The following HECW1 variants were observed in gnomAD, a reference collection of about 807,000 sequenced individuals.
HECW1 encodes the protein HECT, C2 and WW domain containing E3 ubiquitin protein ligase 1, also known as E3 ubiquitin-protein ligase HECW1.
In HECW1, 61 loss-of-function variants were observed where a neutral mutation model predicts 182.3. The observed-to-expected ratio is 0.33, with a 90% confidence interval of 0.27 to 0.41. The LOEUF (loss-of-function observed/expected upper bound fraction) is 0.41, where lower values mean the gene tolerates loss of function less well. Among genes scored for constraint, HECW1 ranks in the 10% least tolerant of loss-of-function variants. HECW1 has a pLI of 1.00. For missense variants in HECW1, 1,739 were observed against 2,108.9 expected (o/e 0.82, Z 3.44); for synonymous variants, 859 against 832.6 (o/e 1.03, Z -0.55).
At chr7:43,367,347 C>A (rs1233378956) in intron 6 of HECW1, among the ~76,000 whole-genome samples, 1 of 152,184 alleles carries the variant, frequency 6.6e-6, no homozygotes, top group Non-Finnish European at 1.5e-5. Flanking sequence ...ATTAACAATA[C>A]TATGATGAGA....
rs186192388 is a variant in HECW1 at position 43,317,690 on chromosome 7, C to A, written c.353-2945C>A. Among the ~76,000 whole-genome samples the A allele has an allele frequency of 1.8e-3, 277 of 152,238 alleles. 3 individuals carry two copies. The highest frequency in any genetic ancestry group is 9.0e-4 in the Non-Finnish European group (61 of 68,016). On this transcript the variant is annotated intron_variant, in intron 4 of 29. Transcript: ENST00000395891. The stretch of plus-strand genomic sequence containing the variant: ...ACTACTCTATTTTTCTTGTGTGATA[C>A]TTGTGATTAAGTGTTATTGTTAGTG...
chr7:43,471,318 T>C (rs2078015096), intron 16 of HECW1, among the ~76,000 whole-genome samples: 1 of 152,190 alleles, frequency 6.6e-6, no homozygotes, highest in African/African-American at 2.4e-5. Flanking sequence ...TACAACTCAC[T>C]AAACAGTGGG....
chr7:43,153,741 T>A (rs1789594485), intron 2 of HECW1, among the ~76,000 whole-genome samples: 1 of 152,194 alleles, frequency 6.6e-6, no homozygotes. Flanking sequence ...ATTTTTTATA[T>A]ATATTGTTGA....
At chr7:43,252,090 T>C (rs1800099150) in intron 3 of HECW1, among the ~76,000 whole-genome samples, 1 of 152,198 alleles carries the variant, frequency 6.6e-6, no homozygotes, top group African/African-American at 2.4e-5. Context: ...TATTTCCAAA[T>C]GTGCATCACT....
chr7:43,305,734 G>C (rs957045427), intron 3 of HECW1, among the ~76,000 whole-genome samples: 1 of 151,680 alleles, frequency 6.6e-6, no homozygotes, highest in Non-Finnish European at 1.5e-5. Context: ...CAGCAGCTGC[G>C]ATTACAGGCG....
intron 5 of HECW1, among the ~76,000 whole-genome samples, chr7:43,328,903 A>C (rs948615865): frequency 4.6e-5 from 7 of 152,336 alleles, no homozygotes; most frequent in African/African-American, 1.7e-4. Context: ...GTGTGAGAAC[A>C]TAACAGATAC....
At position 43,468,951 on chromosome 7, in the gene HECW1, G is replaced by C; in HGVS notation, c.2945G>C (p.Cys982Ser). ...TACCGAGTCTTCACCAGTAGCACCT[G>C]CTTAAAGCACATGATTCTGAAAGTC... Reference protein sequence around the residue: ...SAYRVFTSSTCLKHMILKVRR... With the variant: ...SAYRVFTSSTSLKHMILKVRR... Residue 982 changes from cysteine (C) to serine (S), a missense_variant, in exon 16 of 30, where the codon TGC becomes TCC. By Grantham distance (112) the Cys-to-Ser change is moderately radical. Around this residue, in one of 5 missense-constraint regions of HECW1, gnomAD observed 971 missense variants for 1,029.1 expected, o/e 0.94. Coordinates refer to ENST00000395891, the MANE Select transcript of HECW1 (RefSeq NM_015052.5). The C allele has an allele frequency of 1.2e-6, 2 of 1,614,186 alleles. No homozygotes were observed. Among genetic ancestry groups the C allele is most frequent in the Non-Finnish European group, 1.7e-6 (2 of 1,180,032 alleles).
intron 24 of HECW1, among the ~76,000 whole-genome samples, chr7:43,528,486 C>CA (rs1199901203): frequency 6.6e-6 from 1 of 152,118 alleles, no homozygotes; most frequent in African/African-American, 2.4e-5. Context: ...AATGATGGGT[C>CA]AAAAAATATC....
Position 43,539,634 on chromosome 7 carries a change from C to G in HECW1, c.4020-1529C>G, listed in dbSNP as rs1345209835. Among the ~76,000 whole-genome samples, 3 of 148,730 alleles carry G rather than the reference C, an allele frequency of 2.0e-5. 1 individual carries two copies. Among genetic ancestry groups the G allele is most frequent in the South Asian group, 4.3e-4 (2 of 4,598 alleles). On this transcript the variant is annotated intron_variant, in intron 24 of 29. Transcript: ENST00000395891. ...TTACTACCTGCTTTGATTCCCAGCT[C>G]TCTTTACTGGACCCTCAGGGGCCAC... is the stretch of plus-strand genomic sequence containing the variant.
chr7:43,387,799 G>A lies in HECW1; in HGVS notation c.556-9015G>A, dbSNP rs116248036. ...CTGGTGTGACCAGTTATGTGACCTC[G>A]TGGGCCCCTTGATTGACTAGCTTAT... On this transcript the variant is annotated intron_variant, in intron 6 of 29. Coordinates refer to ENST00000395891, the MANE Select transcript of HECW1 (RefSeq NM_015052.5). Among the ~76,000 whole-genome samples, 599 of 152,318 alleles carry A rather than the reference G, an allele frequency of 3.9e-3. 2 individuals are homozygous for A. The highest frequency in any genetic ancestry group is 0.014 in the African/African-American group (574 of 41,562).
At chr7:43,435,685 G>A (rs2076687780) in intron 8 of HECW1, among the ~76,000 whole-genome samples, 1 of 152,158 alleles carries the variant, frequency 6.6e-6, no homozygotes, top group East Asian at 1.9e-4. Flanking sequence ...GGCAATGCTT[G>A]AGAGGGTGGC....
intron 2 of HECW1, among the ~76,000 whole-genome samples, chr7:43,187,083 G>T (rs1793480851): frequency 6.6e-6 from 1 of 152,240 alleles, no homozygotes; most frequent in Non-Finnish European, 1.5e-5. Flanking sequence ...TACAATGTCT[G>T]AGGGCTTGAC....
At chr7:43,169,690 C>CTTTTTTTTTTTTTTTTTTTTT (rs374141328) in intron 2 of HECW1, among the ~76,000 whole-genome samples, 3 of 113,480 alleles carry the variant, frequency 2.6e-5, no homozygotes, top group East Asian at 2.3e-4. Context: ...TTTTTCTTTT[C>CTTTTTTTTTTTTTTTTTTTTT]TTTTTTTTTT....
intron 24 of HECW1, among the ~76,000 whole-genome samples, chr7:43,537,435 C>T (rs1229271809): frequency 2.0e-5 from 3 of 152,208 alleles, no homozygotes; most frequent in Non-Finnish European, 2.9e-5. Context: ...ACTTCCTCCT[C>T]GTTTGTGACC....
At chr7:43,388,766 G>A (rs1490089270) in intron 6 of HECW1, among the ~76,000 whole-genome samples, 1 of 152,190 alleles carries the variant, frequency 6.6e-6, no homozygotes, top group Non-Finnish European at 1.5e-5. Context: ...GGGATTACAG[G>A]TGTGTGCCAC....
At chr7:43,389,275 T>A (rs991446617) in intron 6 of HECW1, among the ~76,000 whole-genome samples, 3 of 152,206 alleles carry the variant, frequency 2.0e-5, no homozygotes, top group Non-Finnish European at 4.4e-5. Flanking sequence ...ACCTGGGAAC[T>A]TGTTAGCAAT....
Position 43,561,873 on chromosome 7 carries a change from T to C in HECW1, c.4768T>C (p.Tyr1590His), listed in dbSNP as rs750214880. ...LPPYPSYSML[Y>H]EKLLTAVEET... ...ACCGTATCCCTCGTACTCCATGTTG[T>C]ATGAAAAGCTGTTAACAGCAGTAGA... is the stretch of plus-strand genomic sequence containing the variant. The change falls in exon 30 of 30, where the codon TAT becomes CAT. Residue 1590 changes from tyrosine (Y) to histidine (H), a missense_variant. By Grantham distance (83) the Tyr-to-His change is moderately conservative. Transcript: ENST00000395891. 3.1e-6 allele frequency: 5 copies of C among 1,614,100 alleles called. No individual in the cohort carries two copies. In the South Asian group the frequency reaches 5.5e-5, roughly 18 times the overall value.
chr7:43,280,587 A>C (rs1043303943), intron 3 of HECW1, among the ~76,000 whole-genome samples: 3 of 152,218 alleles, frequency 2.0e-5, no homozygotes, highest in Non-Finnish European at 4.4e-5. Flanking sequence ...AAATTTAAGC[A>C]AGAGCACAAT....
chr7:43,314,372 C>T (rs1198567473), intron 4 of HECW1, among the ~76,000 whole-genome samples: 2 of 152,098 alleles, frequency 1.3e-5, no homozygotes, highest in East Asian at 1.9e-4. Flanking sequence ...GGTGGATAAG[C>T]TCACTCTAGT....
Sources: gnomAD v4.1 joint callset for allele counts (sites outside exome capture counted in the v4.1 genomes callset) on GRCh38, gnomAD v4.1.1 for gene constraint, gnomAD v4.1.1 regional missense constraint, MANE v1.5 for transcripts, NCBI Gene and HGNC (gene_info 2026-07-23, HGNC 2026-07-21) for gene names.